PRLR: variants seen among roughly 807,000 people sequenced by gnomAD.
PRLR encodes prolactin receptor.
PRLR carries 13 observed loss-of-function variants against 40.2 expected under a neutral mutation model. That is an observed-to-expected ratio of 0.32 (90% CI 0.21 to 0.51). The LOEUF (loss-of-function observed/expected upper bound fraction) is 0.51, where lower values mean the gene tolerates loss of function less well. PRLR is among the 20% of genes least tolerant of loss of function. PRLR has a pLI of 0.97. For missense variants in PRLR, 656 were observed against 747.3 expected (o/e 0.88, Z 1.42); for synonymous variants, 269 against 278.7 (o/e 0.97, Z 0.35).
At chr5:35,106,032 C>T (rs1347336172) in intron 2 of PRLR, among the ~76,000 whole-genome samples, 1 of 152,234 alleles carries the variant, frequency 6.6e-6, no homozygotes, top group African/African-American at 2.4e-5. Context: ...GATCTCTTGG[C>T]AGAAACTCTG....
chr5:35,081,786 C>G (rs1269156725), intron 5 of PRLR: 1 of 138,278 alleles, frequency 7.2e-6, no homozygotes, highest in Non-Finnish European at 1.5e-5. Flanking sequence ...CAAACACACA[C>G]ACACACACAC....
chr5:35,155,886 G>A lies in PRLR; in HGVS notation c.-105-37764C>T, dbSNP rs551852147. Among the ~76,000 whole-genome samples, 134 of 152,176 alleles carry A rather than the reference G, an allele frequency of 8.8e-4. 1 individual carries two copies. In the South Asian group the frequency reaches 0.011, roughly 13 times the overall value. On this transcript the variant is annotated intron_variant, in intron 1 of 9. Transcript: ENST00000618457. ...ATGATTTCACAAACAGTTCTCTCCC[G>A]CTGTAAATATTAATGACTGAAAAAT... is the stretch of plus-strand genomic sequence containing the variant.
chr5:35,051,723 T>C (rs1231535549), downstream of PRLR, among the ~76,000 whole-genome samples: 3 of 152,152 alleles, frequency 2.0e-5, no homozygotes, highest in African/African-American at 2.4e-5. Context: ...GTGCATCAAA[T>C]GAGAAGGAGA....
chr5:35,223,874 T>G (rs1249122532), intron 1 of PRLR, among the ~76,000 whole-genome samples: 2 of 152,188 alleles, frequency 1.3e-5, no homozygotes, highest in African/African-American at 2.4e-5. Flanking sequence ...GAAAAATATG[T>G]GTTGCTGTTG....
chr5:35,073,962 C>T (rs1156708029), intron 5 of PRLR, among the ~76,000 whole-genome samples: 2 of 152,132 alleles, frequency 1.3e-5, no homozygotes, highest in Non-Finnish European at 2.9e-5. Flanking sequence ...CTGGTGCAAC[C>T]ACTGTGGAAA....
intron 1 of PRLR, among the ~76,000 whole-genome samples, chr5:35,169,983 A>T (rs1774952642): frequency 6.6e-6 from 1 of 152,152 alleles, no homozygotes; most frequent in Admixed American, 6.5e-5. Flanking sequence ...TGGAGGGAGT[A>T]TTTCTTTTAG....
chr5:35,181,492 T>G (rs1051330863), intron 1 of PRLR, among the ~76,000 whole-genome samples: 4 of 152,218 alleles, frequency 2.6e-5, no homozygotes, highest in Non-Finnish European at 4.4e-5. Flanking sequence ...TAGATGTCTA[T>G]TAAGTGAGAG....
chr5:35,143,839 T>A (rs1032250034), intron 1 of PRLR, among the ~76,000 whole-genome samples: 1 of 152,156 alleles, frequency 6.6e-6, no homozygotes, highest in Non-Finnish European at 1.5e-5. Context: ...TATGCTAAGT[T>A]TATAAAACAG....
intron 3 of PRLR, among the ~76,000 whole-genome samples, chr5:35,088,659 CATT>C (rs1427698055): frequency 6.6e-6 from 1 of 152,144 alleles, no homozygotes; most frequent in Non-Finnish European, 1.5e-5. Flanking sequence ...AACAAGTTAA[CATT>C]AATGGACTTT....
intron 2 of PRLR, among the ~76,000 whole-genome samples, chr5:35,091,107 C>T (rs1191369740): frequency 3.3e-5 from 5 of 152,130 alleles, no homozygotes; most frequent in South Asian, 2.1e-4. Flanking sequence ...CCACCGTGCC[C>T]GGCCAAGTAG....
intron 2 of PRLR, among the ~76,000 whole-genome samples, chr5:35,098,353 G>A (rs1478768151): frequency 6.6e-6 from 1 of 152,152 alleles, no homozygotes; most frequent in Non-Finnish European, 1.5e-5. Context: ...GAGCCCAGCT[G>A]AACCCAGCCA....
At chr5:35,105,560 G>T (rs1772183868) in intron 2 of PRLR, among the ~76,000 whole-genome samples, 1 of 152,170 alleles carries the variant, frequency 6.6e-6, no homozygotes, top group Non-Finnish European at 1.5e-5. Flanking sequence ...GAAAACCATG[G>T]CACGAGAACT....
At chr5:35,049,489 G>GAAAAT in intron 8 of PRLR, 2 of 647,088 alleles carry the variant, frequency 3.1e-6, no homozygotes, top group Non-Finnish European at 5.5e-6. Context: ...TATTTAAAAA[G>GAAAAT]AAAATAAATT....
chr5:35,121,435 T>C (rs1188794377), intron 1 of PRLR, among the ~76,000 whole-genome samples: 1 of 152,224 alleles, frequency 6.6e-6, no homozygotes, highest in Non-Finnish European at 1.5e-5. Context: ...GCTTTAAATA[T>C]GGTGGGTGTG....
rs1768822564 is a variant in PRLR, at chr5:35,058,133, GGTGTTAA to G, written c.*6949_*6955del. 1 of 151,270 alleles carries G rather than the reference GGTGTTAA, an allele frequency of 6.6e-6. No homozygotes were observed. The highest frequency in any genetic ancestry group is 1.5e-5 in the Non-Finnish European group (1 of 67,804). The allele number at this position is 151,270 out of a possible 1,614,324, so 9.4% of individuals were successfully genotyped here. The stretch of plus-strand genomic sequence containing the variant: ...AACCCTACAAAGTGATGAATTAGAA[GGTGTTAA>G]AAAAAAAACCCAGCAACTTAATTAT... On this transcript the variant is annotated 3_prime_UTR_variant, in exon 10 of 10. Coordinates refer to ENST00000618457, the MANE Select transcript of PRLR (RefSeq NM_000949.7).
chr5:35,217,733 T>G (rs1416196836), intron 1 of PRLR, among the ~76,000 whole-genome samples: 1 of 152,170 alleles, frequency 6.6e-6, no homozygotes, highest in Non-Finnish European at 1.5e-5. Flanking sequence ...TAAAAATAAA[T>G]AAAAATTTAA....
At chr5:35,109,774 G>A (rs1772525986) in intron 2 of PRLR, among the ~76,000 whole-genome samples, 1 of 152,180 alleles carries the variant, frequency 6.6e-6, no homozygotes, top group Non-Finnish European at 1.5e-5. Flanking sequence ...TGGTGGGACT[G>A]TAAACTAGTT....
Position 35,153,717 on chromosome 5 carries a change from T to TACAC in PRLR, c.-105-35599_-105-35596dup, listed in dbSNP as rs35934860. 3.9e-3 allele frequency among the ~76,000 whole-genome samples: 557 copies of TACAC among 143,472 alleles called. 22 individuals are homozygous for TACAC. The East Asian group carries it at 0.07, about 18-fold the overall frequency. 94.1% of individuals were successfully genotyped at this position (143,472 alleles called of 152,430 possible). ...CTCTGCCAACTGTTCCCCACCATTG[T>TACAC]ACACACACACACACACACACACTGC... On this transcript the variant is annotated intron_variant, in intron 1 of 9. Transcript: ENST00000618457.
Position 35,098,484 on chromosome 5 carries a change from A to G in PRLR, c.-43-8821T>C, listed in dbSNP as rs184679695. 5.9e-5 allele frequency among the ~76,000 whole-genome samples: 9 copies of G among 152,312 alleles called. No homozygotes were observed. The East Asian group carries it at 1.7e-3, about 29-fold the overall frequency. On this transcript the variant is annotated intron_variant, in intron 2 of 9. Transcript: ENST00000618457. ...GGTTGTTTGTTTGTTACTAATTGCA[A>G]AACTAATACAGGGCAAGAGTAGGAG... is the stretch of plus-strand genomic sequence containing the variant.
Sources: gnomAD v4.1 joint callset for allele counts (sites outside exome capture counted in the v4.1 genomes callset) on GRCh38, gnomAD v4.1.1 for gene constraint, MANE v1.5 for transcripts, NCBI Gene and HGNC (gene_info 2026-07-23, HGNC 2026-07-21) for gene names.